The following GUCY1A2 variants were observed in gnomAD, a reference collection of about 807,000 sequenced individuals.
GUCY1A2 encodes guanylate cyclase soluble subunit alpha-2.
In GUCY1A2, 27 loss-of-function variants were observed where a neutral mutation model predicts 63.5. That is an observed-to-expected ratio of 0.43 (90% CI 0.31 to 0.59). GUCY1A2 has a LOEUF of 0.59. Among genes scored for constraint, GUCY1A2 ranks in the 20% least tolerant of loss-of-function variants. GUCY1A2 has a pLI of 0.11. For missense variants in GUCY1A2, 768 were observed against 913.3 expected (o/e 0.84, Z 2.05); for synonymous variants, 364 against 343.5 (o/e 1.06, Z -0.66).
chr11:106,915,836 G>A (rs1441507994), intron 4 of GUCY1A2, among the ~76,000 whole-genome samples: 1 of 145,114 alleles, frequency 6.9e-6, no homozygotes, highest in African/African-American at 2.4e-5. Flanking sequence ...AGCATTACAA[G>A]CTGAAACCCC....
chr11:106,812,841 T>C (rs187316630), intron 4 of GUCY1A2, among the ~76,000 whole-genome samples: 99 of 152,120 alleles, frequency 6.5e-4, no homozygotes, highest in African/African-American at 2.1e-3. Context: ...AAACAATTCA[T>C]AGACGATAAG....
intron 6 of GUCY1A2, among the ~76,000 whole-genome samples, chr11:106,720,544 G>A (rs1193159265): frequency 6.6e-6 from 1 of 151,832 alleles, no homozygotes; most frequent in Non-Finnish European, 1.5e-5. Context: ...CATTATTAGA[G>A]ATGAACGATG....
intron 7 of GUCY1A2, among the ~76,000 whole-genome samples, chr11:106,701,039 A>G (rs1475504883): frequency 6.6e-6 from 1 of 152,156 alleles, no homozygotes; most frequent in African/African-American, 2.4e-5. Flanking sequence ...AATAAAAACT[A>G]TACCCAAGGA....
chr11:106,754,648 T>C (rs1346214522), intron 6 of GUCY1A2, among the ~76,000 whole-genome samples: 2 of 152,234 alleles, frequency 1.3e-5, no homozygotes, highest in Admixed American at 6.5e-5. Context: ...GTTTTTGTGA[T>C]GGATTACATT....
At chr11:106,861,112 T>A (rs1273956073) in intron 4 of GUCY1A2, among the ~76,000 whole-genome samples, 1 of 151,966 alleles carries the variant, frequency 6.6e-6, no homozygotes, top group Non-Finnish European at 1.5e-5. Flanking sequence ...ACCTATTAGA[T>A]ATAAATGGTC....
At chr11:106,705,587 G>A (rs756178810) in intron 7 of GUCY1A2, among the ~76,000 whole-genome samples, 1 of 152,070 alleles carries the variant, frequency 6.6e-6, no homozygotes, top group Non-Finnish European at 1.5e-5. Flanking sequence ...GAGGCAGGGC[G>A]CAGTGGCTCA....
At chr11:106,832,939 G>A (rs1166317684) in intron 4 of GUCY1A2, among the ~76,000 whole-genome samples, 2 of 151,940 alleles carry the variant, frequency 1.3e-5, no homozygotes, top group African/African-American at 2.4e-5. Context: ...TAGTTTGCTA[G>A]GGCTGCTGTA....
chr11:106,695,679 T>A (rs928346316), intron 7 of GUCY1A2, among the ~76,000 whole-genome samples: 1 of 152,166 alleles, frequency 6.6e-6, no homozygotes, highest in Non-Finnish European at 1.5e-5. Context: ...ACTGTTGTTA[T>A]TGAGTCGGCT....
rs182462891 is a variant in GUCY1A2, at chr11:106,798,662, A to C, written c.1692+11331T>G. On this transcript the variant is annotated intron_variant, in intron 5 of 7. Coordinates refer to ENST00000526355, the MANE Select transcript of GUCY1A2 (RefSeq NM_000855.3). ...CATATAAACAAAACCAAAGACAAAA[A>C]CCACATGATTATCTCAATAGATGCA... Among the ~76,000 whole-genome samples, 675 of 152,262 alleles carry C rather than the reference A, an allele frequency of 4.4e-3. 1 individual carries two copies. Among genetic ancestry groups the C allele is most frequent in the Non-Finnish European group, 7.5e-3 (509 of 68,034 alleles).
intron 6 of GUCY1A2, chr11:106,746,549 A>G (rs776978218): frequency 3.7e-5 from 58 of 1,551,152 alleles, no homozygotes; most frequent in Non-Finnish European, 4.8e-5. Context: ...GAAGCTCATT[A>G]CCTTTTCAGT....
chr11:106,971,107 G>A (rs1226639388), intron 3 of GUCY1A2, among the ~76,000 whole-genome samples: 3 of 152,068 alleles, frequency 2.0e-5, no homozygotes, highest in Non-Finnish European at 4.4e-5. Context: ...TTTTTTAGAA[G>A]AGTGCAAGTA....
chr11:106,711,173 T>A (rs1863111647), intron 6 of GUCY1A2, among the ~76,000 whole-genome samples: 1 of 152,104 alleles, frequency 6.6e-6, no homozygotes, highest in South Asian at 2.1e-4. Flanking sequence ...TATAAACAAA[T>A]AGACAAATGG....
intron 4 of GUCY1A2, chr11:106,823,906 T>G: frequency 2.7e-6 from 1 of 365,082 alleles, no homozygotes. Context: ...CCCACTTTTT[T>G]TTTCTTTAAA....
At chr11:106,996,402 A>G (rs182770633) in intron 1 of GUCY1A2, among the ~76,000 whole-genome samples, 3 of 152,332 alleles carry the variant, frequency 2.0e-5, no homozygotes, top group Admixed American at 6.5e-5. Context: ...GCCCTTGAAC[A>G]TCAGTTCTCA....
In GUCY1A2 at chr11:106,824,055, G is replaced by A. The variant is rs1042663460; in HGVS notation, c.1207-13577C>T. 3 of 1,451,738 alleles carry A rather than the reference G, an allele frequency of 2.1e-6. No individual in the cohort carries two copies. The African/African-American group carries it at 4.4e-5, about 21-fold the overall frequency. The allele number at this position is 1,451,738 out of a possible 1,614,324, so 89.9% of individuals were successfully genotyped here. ...TCTTATTGTTGGCATTTTCTGCAGA[G>A]AAGACTACAGTTTTACAGCTTATGC... On this transcript the variant is annotated intron_variant, in intron 4 of 7. Transcript: ENST00000526355.
chr11:106,692,496 ACT>A (rs1364225514), intron 7 of GUCY1A2, among the ~76,000 whole-genome samples: 3 of 151,512 alleles, frequency 2.0e-5, no homozygotes, highest in African/African-American at 7.3e-5. Context: ...CTGGTTTCTG[ACT>A]CTCTCACCTC....
intron 6 of GUCY1A2, among the ~76,000 whole-genome samples, chr11:106,722,754 C>T (rs1863337470): frequency 6.6e-6 from 1 of 151,152 alleles, no homozygotes; most frequent in South Asian, 2.1e-4. Flanking sequence ...AAATGAAGAA[C>T]TTATACAAAA....
At chr11:106,724,228 C>G (rs1380888903) in intron 6 of GUCY1A2, among the ~76,000 whole-genome samples, 1 of 152,224 alleles carries the variant, frequency 6.6e-6, no homozygotes, top group Non-Finnish European at 1.5e-5. Context: ...GCCCTGCAAG[C>G]AGTCTAAGGG....
chr11:106,751,915 A>T (rs1033896712), intron 6 of GUCY1A2, among the ~76,000 whole-genome samples: 1 of 152,298 alleles, frequency 6.6e-6, no homozygotes, highest in South Asian at 2.1e-4. Flanking sequence ...TACATTGATA[A>T]ATCTGTTTAA....
Sources: gnomAD v4.1 joint callset for allele counts (sites outside exome capture counted in the v4.1 genomes callset) on GRCh38, gnomAD v4.1.1 for gene constraint, MANE v1.5 for transcripts, NCBI Gene and HGNC (gene_info 2026-07-23, HGNC 2026-07-21) for gene names.